The following FSTL5 variants were observed in gnomAD, a reference collection of about 807,000 sequenced individuals.
FSTL5 encodes follistatin like 5, also known as follistatin-related protein 5.
FSTL5 carries 62 observed loss-of-function variants against 89.1 expected under a neutral mutation model. The observed-to-expected ratio is 0.70, with a 90% confidence interval of 0.57 to 0.86. The LOEUF (loss-of-function observed/expected upper bound fraction) is 0.86. Ranked by LOEUF, FSTL5 falls within the 40% of genes least tolerant of loss-of-function variation. The pLI is 0.00. For missense variants in FSTL5, 1,057 were observed against 1,001.6 expected (o/e 1.06, Z -0.75); for synonymous variants, 383 against 346.2 (o/e 1.11, Z -1.18).
intron 4 of FSTL5, among the ~76,000 whole-genome samples, chr4:161,874,589 T>G (rs1275597802): frequency 6.6e-6 from 1 of 151,390 alleles, no homozygotes; most frequent in Non-Finnish European, 1.5e-5. Context: ...TTTACTTTCT[T>G]ACTCTATTTT....
At chr4:161,924,884 A>G (rs778358035) in intron 3 of FSTL5, among the ~76,000 whole-genome samples, 1 of 151,898 alleles carries the variant, frequency 6.6e-6, no homozygotes, top group Admixed American at 6.6e-5. Context: ...TGAGGTGTTC[A>G]TTATCTCATA....
chr4:161,689,843 C>T (rs1049177429), intron 6 of FSTL5, among the ~76,000 whole-genome samples: 2 of 152,088 alleles, frequency 1.3e-5, no homozygotes, highest in Admixed American at 6.5e-5. Context: ...TACTAATCAG[C>T]TTTATGTCAC....
At chr4:162,094,072 A>G (rs1466883008) in intron 2 of FSTL5, among the ~76,000 whole-genome samples, 2 of 152,174 alleles carry the variant, frequency 1.3e-5, no homozygotes, top group Non-Finnish European at 2.9e-5. Context: ...GCTGGCACAA[A>G]CACTTTGTTA....
chr4:161,462,358 A>G (rs566197912), intron 13 of FSTL5, among the ~76,000 whole-genome samples: 6 of 152,230 alleles, frequency 3.9e-5, no homozygotes, highest in Non-Finnish European at 7.4e-5. Context: ...TTTTTCCTCT[A>G]TTGGAGGTTA....
intron 12 of FSTL5, among the ~76,000 whole-genome samples, chr4:161,498,763 T>G (rs1043634264): frequency 6.6e-6 from 1 of 152,208 alleles, no homozygotes; most frequent in Non-Finnish European, 1.5e-5. Context: ...AGAATATTTT[T>G]GTAAGAATAT....
intron 7 of FSTL5, among the ~76,000 whole-genome samples, chr4:161,643,383 A>T (rs543625369): frequency 7.9e-4 from 121 of 152,266 alleles, no homozygotes; most frequent in African/African-American, 2.8e-3. Flanking sequence ...TATGGCCTTC[A>T]GCATTTATAT....
chr4:161,949,135 T>G (rs1212051130), intron 3 of FSTL5, among the ~76,000 whole-genome samples: 1 of 152,162 alleles, frequency 6.6e-6, no homozygotes, highest in Non-Finnish European at 1.5e-5. Flanking sequence ...CCTTCGCGTG[T>G]GGTTCCTTAG....
chr4:161,606,578 C>A (rs1272729241), intron 7 of FSTL5, among the ~76,000 whole-genome samples: 1 of 152,202 alleles, frequency 6.6e-6, no homozygotes, highest in South Asian at 2.1e-4. Context: ...AACTAGTGTA[C>A]ATTTTTTACC....
chr4:162,015,473 C>T (rs1736889889), intron 3 of FSTL5, among the ~76,000 whole-genome samples: 1 of 152,074 alleles, frequency 6.6e-6, no homozygotes, highest in African/African-American at 2.4e-5. Flanking sequence ...TGTGTATGCC[C>T]CAGTAACGTG....
At chr4:161,642,479 T>C (rs550059211) in intron 7 of FSTL5, among the ~76,000 whole-genome samples, 1 of 152,096 alleles carries the variant, frequency 6.6e-6, no homozygotes, top group African/African-American at 2.4e-5. Flanking sequence ...TACATTGAAA[T>C]GAAAATATGA....
rs138056901 is a variant in FSTL5 at position 161,396,408 on chromosome 4, G to A, written c.1842-9959C>T. Among the ~76,000 whole-genome samples the A allele has an allele frequency of 3.5e-3, 536 of 151,110 alleles. 5 individuals are homozygous for A. The highest frequency in any genetic ancestry group is 0.012 in the African/African-American group (478 of 41,172). ...TGTAATCCCAGCACTTTGGAAAGCC[G>A]AGGAACTCAGATGACCTGAGGTCAG... On this transcript the variant is annotated intron_variant, in intron 15 of 15. Coordinates refer to ENST00000306100, the MANE Select transcript of FSTL5 (RefSeq NM_020116.5).
At chr4:162,029,172 T>A (rs200130860) in intron 3 of FSTL5, among the ~76,000 whole-genome samples, 13 of 144,660 alleles carry the variant, frequency 9.0e-5, no homozygotes, top group Admixed American at 1.4e-4. Context: ...AGAGAGTGTG[T>A]GTGTGTGTGT....
intron 12 of FSTL5, among the ~76,000 whole-genome samples, chr4:161,499,744 C>T (rs190252027): frequency 2.2e-4 from 33 of 152,200 alleles, no homozygotes; most frequent in South Asian, 6.2e-4. Flanking sequence ...TATTGCAGGT[C>T]GTGCTCATCC....
chr4:161,878,179 T>G (rs1192846920), intron 4 of FSTL5, among the ~76,000 whole-genome samples: 1 of 152,106 alleles, frequency 6.6e-6, no homozygotes, highest in Non-Finnish European at 1.5e-5. Context: ...ATTTGAATAT[T>G]AACCATTTAA....
chr4:161,720,152 T>G (rs1232705488), intron 6 of FSTL5, among the ~76,000 whole-genome samples: 1 of 151,520 alleles, frequency 6.6e-6, no homozygotes, highest in African/African-American at 2.4e-5. Flanking sequence ...AAACCCATAG[T>G]TGATAAAATG....
intron 4 of FSTL5, among the ~76,000 whole-genome samples, chr4:161,795,671 A>G (rs1282229411): frequency 6.6e-6 from 1 of 152,030 alleles, no homozygotes; most frequent in Non-Finnish European, 1.5e-5. Flanking sequence ...ATTATTTTGC[A>G]TGAGGAAATT....
At chr4:162,000,275 T>A (rs1416445791) in intron 3 of FSTL5, among the ~76,000 whole-genome samples, 1 of 152,130 alleles carries the variant, frequency 6.6e-6, no homozygotes, top group Non-Finnish European at 1.5e-5. Context: ...TTCCTACATA[T>A]ATATATTTAT....
intron 3 of FSTL5, among the ~76,000 whole-genome samples, chr4:162,027,570 AGACAT>A (rs1245680032): frequency 6.6e-6 from 1 of 152,134 alleles, no homozygotes; most frequent in African/African-American, 2.4e-5. Flanking sequence ...ACTCACATAA[AGACAT>A]GACATATTTT....
At chr4:161,836,762 ATAT>A (rs1182243105) in intron 4 of FSTL5, among the ~76,000 whole-genome samples, 1 of 152,092 alleles carries the variant, frequency 6.6e-6, no homozygotes, top group African/African-American at 2.4e-5. Flanking sequence ...AATTTTTTAA[ATAT>A]TAAAAATAGA....
Sources: gnomAD v4.1 joint callset for allele counts (sites outside exome capture counted in the v4.1 genomes callset) on GRCh38, gnomAD v4.1.1 for gene constraint, MANE v1.5 for transcripts, NCBI Gene and HGNC (gene_info 2026-07-23, HGNC 2026-07-21) for gene names.